PCDH9: variants seen among roughly 807,000 people sequenced by gnomAD.
PCDH9 encodes the protein protocadherin 9, also known as protocadherin-9.
PCDH9 carries 24 observed loss-of-function variants against 70.6 expected under a neutral mutation model. The observed-to-expected ratio is 0.34, with a 90% CI of 0.25 to 0.48. The LOEUF (loss-of-function observed/expected upper bound fraction) is 0.48, where lower values mean the gene tolerates loss of function less well. PCDH9 is among the 20% of genes least tolerant of loss of function. The probability of loss-of-function intolerance (pLI) is 0.99; values close to 1 mark genes in which losing one functional copy is unlikely to be tolerated. For synonymous variants in PCDH9, 562 were observed against 558.5 expected (o/e 1.01, Z -0.09); for missense variants, 1,281 against 1,503.6 (o/e 0.85, Z 2.45).
At chr13:66,532,075 C>T (rs2138634993) in intron 4 of PCDH9, among the ~76,000 whole-genome samples, 1 of 152,260 alleles carries the variant, frequency 6.6e-6, no homozygotes, top group Admixed American at 6.5e-5. Flanking sequence ...CAGCCTCTAC[C>T]TCCAGGGCTC....
At chr13:66,351,855 T>TG (rs1956297561) in intron 4 of PCDH9, among the ~76,000 whole-genome samples, 1 of 151,886 alleles carries the variant, frequency 6.6e-6, no homozygotes, top group African/African-American at 2.4e-5. Flanking sequence ...TTCTTTTTTT[T>TG]TAAGACAGAG....
At position 66,664,674 on chromosome 13, in the gene PCDH9, T is replaced by C. The variant is rs887932894; in HGVS notation, c.3139-33263A>G. On this transcript the variant is annotated intron_variant, in intron 3 of 4. Transcript: ENST00000377865. ...TATTTCTCCTTTAAACTATGATATA[T>C]ATTCTCCATGGACAATAAAATCCTT... Among the ~76,000 whole-genome samples the C allele has an allele frequency of 9.2e-5, 14 of 152,296 alleles. No homozygotes were observed. In the East Asian group the frequency reaches 2.7e-3, roughly 29 times the overall value.
chr13:66,389,614 A>C (rs1258573425), intron 4 of PCDH9, among the ~76,000 whole-genome samples: 1 of 152,180 alleles, frequency 6.6e-6, no homozygotes, highest in East Asian at 1.9e-4. Context: ...GGTACCAAAA[A>C]AGGCTTAAAA....
intron 3 of PCDH9, among the ~76,000 whole-genome samples, chr13:66,777,296 A>C (rs1434304200): frequency 6.6e-6 from 1 of 151,512 alleles, no homozygotes; most frequent in Admixed American, 6.6e-5. Flanking sequence ...TAATTAAACT[A>C]AAGAGCTTCT....
At chr13:66,867,469 A>G (rs1660107632) in intron 3 of PCDH9, among the ~76,000 whole-genome samples, 2 of 152,154 alleles carry the variant, frequency 1.3e-5, no homozygotes. Flanking sequence ...AAAAGGACAT[A>G]ATTTAATATT....
At chr13:66,755,416 C>T (rs1179031954) in intron 3 of PCDH9, among the ~76,000 whole-genome samples, 2 of 152,136 alleles carry the variant, frequency 1.3e-5, no homozygotes, top group African/African-American at 4.8e-5. Context: ...ATGTCTGTTT[C>T]GTTGAAATAA....
chr13:66,850,463 A>T (rs1250265873), intron 3 of PCDH9, among the ~76,000 whole-genome samples: 1 of 151,736 alleles, frequency 6.6e-6, no homozygotes, highest in Non-Finnish European at 1.5e-5. Context: ...GTGACCTAAG[A>T]TTGTGCCACT....
rs147378795 is a variant in PCDH9, at chr13:66,759,393, C to T, written c.3139-127982G>A. ...GTGTACCCTCACAGGTGCTGTGAGT[C>T]TCTTTTTGGCAGCATATGGTTAAAT... On this transcript the variant is annotated intron_variant, in intron 3 of 4. Coordinates refer to ENST00000377865, the MANE Select transcript of PCDH9 (RefSeq NM_203487.3). Among the ~76,000 whole-genome samples the T allele has an allele frequency of 2.2e-3, 342 of 152,126 alleles. 2 individuals are homozygous for T. Among genetic ancestry groups the T allele is most frequent in the Middle Eastern group, 3.4e-3 (1 of 294 alleles).
chr13:66,623,601 G>A (rs1308324928), intron 4 of PCDH9, among the ~76,000 whole-genome samples: 1 of 152,020 alleles, frequency 6.6e-6, no homozygotes, highest in Non-Finnish European at 1.5e-5. Flanking sequence ...ACTTCACTTG[G>A]CTAATTTTTA....
chr13:66,746,965 C>A (rs574590972), intron 3 of PCDH9, among the ~76,000 whole-genome samples: 1 of 151,780 alleles, frequency 6.6e-6, no homozygotes, highest in South Asian at 2.1e-4. Context: ...GCTATTTTTT[C>A]CTAAATATCA....
chr13:67,124,898 A>G (rs929550527), intron 2 of PCDH9, among the ~76,000 whole-genome samples: 1 of 152,206 alleles, frequency 6.6e-6, no homozygotes, highest in Non-Finnish European at 1.5e-5. Context: ...TGTCTAGAGT[A>G]GATTCTCAAA....
chr13:67,183,945 G>A (rs932580812), intron 2 of PCDH9, among the ~76,000 whole-genome samples: 2 of 152,148 alleles, frequency 1.3e-5, no homozygotes, highest in Non-Finnish European at 2.9e-5. Context: ...ATGCAGATTT[G>A]CAGTAAATTT....
intron 4 of PCDH9, among the ~76,000 whole-genome samples, chr13:66,325,238 C>T (rs1029839429): frequency 2.6e-5 from 4 of 151,890 alleles, no homozygotes; most frequent in African/African-American, 9.7e-5. Flanking sequence ...TTCATTCTAG[C>T]GATGGATGTT....
intron 3 of PCDH9, among the ~76,000 whole-genome samples, chr13:66,684,822 G>A (rs764713469): frequency 2.6e-5 from 4 of 152,084 alleles, no homozygotes; most frequent in Non-Finnish European, 5.9e-5. Flanking sequence ...TTTGGAACTG[G>A]GTTACAGGAA....
At chr13:66,839,998 G>T (rs1233519064) in intron 3 of PCDH9, among the ~76,000 whole-genome samples, 2 of 152,076 alleles carry the variant, frequency 1.3e-5, no homozygotes, top group Admixed American at 1.3e-4. Context: ...AAATCTTAGT[G>T]CCATGGACAC....
At chr13:66,970,626 G>GAAAA (rs767546503) in intron 2 of PCDH9, among the ~76,000 whole-genome samples, 1 of 53,424 alleles carries the variant, frequency 1.9e-5, no homozygotes, top group African/African-American at 7.1e-5. Context: ...GACCCTGTCT[G>GAAAA]AAAAAAAAAA....
chr13:66,967,004 C>T (rs2083443356), intron 2 of PCDH9, among the ~76,000 whole-genome samples: 1 of 152,014 alleles, frequency 6.6e-6, no homozygotes, highest in South Asian at 2.1e-4. Flanking sequence ...CAAATGCAAA[C>T]TTCAGTGCTA....
Position 66,358,397 on chromosome 13 carries a change from A to G in PCDH9, c.3341-53369T>C, listed in dbSNP as rs181999120. ...TTCATTCAGCTATTGTTACATCAAA[A>G]TAAGAGGGAAAAAATCTCGCTATAT... On this transcript the variant is annotated intron_variant, in intron 4 of 4. Transcript: ENST00000377865. 1.7e-3 allele frequency among the ~76,000 whole-genome samples: 266 copies of G among 152,072 alleles called. 2 individuals are homozygous for G. Among genetic ancestry groups the G allele is most frequent in the African/African-American group, 6.1e-3 (255 of 41,506 alleles).
At chr13:66,927,162 C>G (rs2082729641) in intron 2 of PCDH9, among the ~76,000 whole-genome samples, 1 of 151,998 alleles carries the variant, frequency 6.6e-6, no homozygotes, top group Non-Finnish European at 1.5e-5. Context: ...CTAGTATATT[C>G]ATTTGCTAGG....
Sources: allele counts gnomAD v4.1 joint callset (sites outside exome capture counted in the v4.1 genomes callset), GRCh38; gene constraint gnomAD v4.1.1; transcripts MANE v1.5; gene names NCBI Gene and HGNC (gene_info 2026-07-23, HGNC 2026-07-21).